The following SULT2A1 variants were observed in gnomAD, a reference collection of about 807,000 sequenced individuals.
The protein encoded by SULT2A1 is sulfotransferase family 2A member 1.
A neutral mutation model predicts 33.9 loss-of-function variants in SULT2A1; 43 were observed. The observed-to-expected ratio is 1.27, with a 90% CI of 1.00 to 1.64. The LOEUF (loss-of-function observed/expected upper bound fraction) is 1.64, where lower values mean the gene tolerates loss of function less well. Ranked by LOEUF, SULT2A1 falls within the 40% of genes most tolerant of loss-of-function variation. The pLI is 0.00. For missense variants in SULT2A1, 300 were observed against 335.1 expected (o/e 0.90, Z 0.82); for synonymous variants, 125 against 113.6 (o/e 1.10, Z -0.64).
intron 5 of SULT2A1, among the ~76,000 whole-genome samples, chr19:47,872,448 A>G (rs1968502009): frequency 6.6e-6 from 1 of 152,068 alleles, no homozygotes; most frequent in Admixed American, 6.6e-5. Flanking sequence ...GGGACTTCTG[A>G]TTCTGCCTCA....
intron 3 of SULT2A1, among the ~76,000 whole-genome samples, chr19:47,879,893 G>T (rs1002982740): frequency 2.6e-5 from 4 of 151,416 alleles, no homozygotes; most frequent in Admixed American, 6.6e-5. Context: ...AAACCTGTAC[G>T]TTGTGCACAT....
At chr19:47,872,161 G>T (rs62529873) in intron 5 of SULT2A1, among the ~76,000 whole-genome samples, 2,983 of 152,110 alleles carry the variant, frequency 0.02, 86 homozygotes, top group African/African-American at 0.068. Flanking sequence ...CAGGTGATCC[G>T]CCCGCCTTGG....
Position 47,886,192 on chromosome 19 carries a change from G to A in SULT2A1, c.66C>T (p.Thr22=), listed in dbSNP as rs755438669. ...CGAACTCATCACGTACTTTTCTTAA[G>A]GTTTCGGATCTGAAACCCATAGTAG... ...AFPTMGFRSE[T]LRKVRDEFVI... Residue 22 remains threonine (T), a synonymous_variant, in exon 1 of 6, where the codon ACC becomes ACT. Coordinates refer to ENST00000222002, the MANE Select transcript of SULT2A1 (RefSeq NM_003167.4). 2 of 1,614,036 alleles carry A rather than the reference G, an allele frequency of 1.2e-6. No homozygotes were observed. Among genetic ancestry groups the A allele is most frequent in the Admixed American group, 3.3e-5 (2 of 59,966 alleles).
At chr19:47,881,806 G>A (rs963724649) in intron 3 of SULT2A1, among the ~76,000 whole-genome samples, 6 of 152,070 alleles carry the variant, frequency 3.9e-5, no homozygotes, top group Non-Finnish European at 7.4e-5. Flanking sequence ...CAGACATCTA[G>A]CATTAGGAGA....
chr19:47,885,707 T>C (rs1968649732), intron 1 of SULT2A1, among the ~76,000 whole-genome samples: 1 of 152,250 alleles, frequency 6.6e-6, no homozygotes, highest in South Asian at 2.1e-4. Context: ...TGCCTGGCTC[T>C]TTTGTGGTTC....
chr19:47,878,499 C>A (rs1202249938), intron 4 of SULT2A1, among the ~76,000 whole-genome samples: 1 of 136,832 alleles, frequency 7.3e-6, no homozygotes, highest in Non-Finnish European at 1.5e-5. Flanking sequence ...CAAAAAACCT[C>A]TCTAGATTTT....
At chr19:47,877,869 C>T (rs1215024808) in intron 4 of SULT2A1, among the ~76,000 whole-genome samples, 1 of 152,168 alleles carries the variant, frequency 6.6e-6, no homozygotes, top group African/African-American at 2.4e-5. Context: ...TCTTTCAATA[C>T]TTGCTGGTTC....
intron 4 of SULT2A1, among the ~76,000 whole-genome samples, chr19:47,878,611 G>C (rs1968571367): frequency 6.7e-6 from 1 of 149,026 alleles, no homozygotes; most frequent in Non-Finnish European, 1.5e-5. Context: ...CCACCTCCCA[G>C]GTTCAAGCGA....
At chr19:47,883,497 G>A (rs1404644328) in intron 2 of SULT2A1, 80 bp downstream of exon 2, 1 of 1,393,700 alleles carries the variant, frequency 7.2e-7, no homozygotes, top group African/African-American at 1.4e-5. Context: ...ATGCATTTCA[G>A]CAAGATCTCC....
At chr19:47,873,724 C>T (rs1291467440) in intron 5 of SULT2A1, among the ~76,000 whole-genome samples, 2 of 147,228 alleles carry the variant, frequency 1.4e-5, no homozygotes, top group East Asian at 4.1e-4. Context: ...CCTGGGTTCA[C>T]ACCATTCTCC....
At position 47,881,013 on chromosome 19, in the gene SULT2A1, A is replaced by G. The variant is rs553619385; in HGVS notation, c.472+1071T>C. Among the ~76,000 whole-genome samples, 46 of 152,022 alleles carry G rather than the reference A, an allele frequency of 3.0e-4. No homozygotes were observed. The Middle Eastern group carries it at 0.014, about 45-fold the overall frequency. On this transcript the variant is annotated intron_variant, in intron 3 of 5. Coordinates refer to ENST00000222002, the MANE Select transcript of SULT2A1 (RefSeq NM_003167.4). ...TTGCATGAGGGGTGGAGTAAGATAA[A>G]CCCCACGCAGTTAAGAAAGGTGTTC...
intron 3 of SULT2A1, among the ~76,000 whole-genome samples, chr19:47,880,119 C>G (rs1313748032): frequency 1.3e-5 from 2 of 151,040 alleles, no homozygotes; most frequent in Admixed American, 6.7e-5. Context: ...CGCCTGTAGT[C>G]CCAGCTACTC....
At chr19:47,872,191 TA>T (rs936352962) in intron 5 of SULT2A1, among the ~76,000 whole-genome samples, 1 of 152,216 alleles carries the variant, frequency 6.6e-6, no homozygotes, top group African/African-American at 2.4e-5. Flanking sequence ...GTGCTGGGAT[TA>T]CAGGCGTGAG....
At chr19:47,878,943 G>T in intron 4 of SULT2A1, 93 bp downstream of exon 4, 1 of 824,698 alleles carries the variant, frequency 1.2e-6, no homozygotes, top group Non-Finnish European at 2.1e-6. Flanking sequence ...AACTGAGAGG[G>T]TGGAATGAAG....
intron 4 of SULT2A1, 38 bp downstream of exon 4, chr19:47,878,998 G>A: frequency 3.2e-6 from 4 of 1,244,112 alleles, no homozygotes; most frequent in Non-Finnish European, 4.7e-6. Flanking sequence ...GGATGGTGGT[G>A]AGAGGGTGTG....
At position 47,886,127 on chromosome 19, in the gene SULT2A1, T is replaced by C; in HGVS notation, c.131A>G (p.Lys44Arg). 6.2e-7 allele frequency: 1 copy of C among 1,613,824 alleles called. No homozygotes were observed. The highest frequency in any genetic ancestry group is 8.5e-7 in the Non-Finnish European group (1 of 1,179,892). The part of the protein sequence containing the change: ...DEDVIILTYP[K>R]SGTNWLAEIL... ...TCACGATTCTGCCTCCTTACCTGAT[T>C]TGGGGTAAGTCAATATTATTACATC... The change falls in exon 1 of 6, where the codon AAA (lysine) becomes AGA (arginine). Residue 44 changes from lysine (K) to arginine (R), a missense_variant. Coordinates refer to ENST00000222002, the MANE Select transcript of SULT2A1 (RefSeq NM_003167.4).
At position 47,879,024 on chromosome 19, in the gene SULT2A1, T is replaced by A. The variant is rs897488088; in HGVS notation, c.567+12A>T. 2.6e-6 allele frequency: 4 copies of A among 1,567,874 alleles called. No homozygotes were observed. Among genetic ancestry groups the A allele is most frequent in the Non-Finnish European group, 3.5e-6 (4 of 1,137,922 alleles). On this transcript the variant is annotated intron_variant, in intron 4 of 5. Transcript: ENST00000222002. ...AGAGGGTGTGCACTGACTCTAAAAA[T>A]GATGGGATTACCTGTTTCAGCTCCT... is the stretch of plus-strand genomic sequence containing the variant.
intron 4 of SULT2A1, among the ~76,000 whole-genome samples, chr19:47,876,561 T>C (rs1968545858): frequency 6.6e-6 from 1 of 151,890 alleles, no homozygotes; most frequent in Non-Finnish European, 1.5e-5. Flanking sequence ...TTAACAGAAA[T>C]GAAATTCATT....
At chr19:47,882,751 C>T (rs1968615497) in intron 2 of SULT2A1, among the ~76,000 whole-genome samples, 1 of 151,886 alleles carries the variant, frequency 6.6e-6, no homozygotes, top group Admixed American at 6.6e-5. Context: ...CCTGTGTCTA[C>T]TAAAAATACA....
Sources: gnomAD v4.1 joint callset for allele counts (sites outside exome capture counted in the v4.1 genomes callset) on GRCh38, gnomAD v4.1.1 for gene constraint, MANE v1.5 for transcripts, NCBI Gene and HGNC (gene_info 2026-07-23, HGNC 2026-07-21) for gene names.